The following TPST2 variants were observed in gnomAD, a reference collection of about 807,000 sequenced individuals.
TPST2 encodes the protein protein-tyrosine sulfotransferase 2.
A neutral mutation model predicts 27.8 loss-of-function variants in TPST2; 16 were observed. That is an observed-to-expected ratio of 0.58 (90% CI 0.39 to 0.88). The LOEUF (loss-of-function observed/expected upper bound fraction) is 0.88. Among genes scored for constraint, TPST2 ranks in the 40% least tolerant of loss-of-function variants. The probability of loss-of-function intolerance (pLI) is 0.00; values close to 1 mark genes in which losing one functional copy is unlikely to be tolerated. For synonymous variants in TPST2, 229 were observed against 231.7 expected (o/e 0.99, Z 0.10); for missense variants, 464 against 543.1 (o/e 0.85, Z 1.45).
intron 1 of TPST2, among the ~76,000 whole-genome samples, chr22:26,582,780 A>C (rs1464474004): frequency 6.6e-6 from 1 of 152,204 alleles, no homozygotes; most frequent in African/African-American, 2.4e-5. Flanking sequence ...ATGGGCTTTG[A>C]GTCCTGGTGC....
chr22:26,554,894 C>A (rs1385176145), intron 1 of TPST2, among the ~76,000 whole-genome samples: 1 of 152,086 alleles, frequency 6.6e-6, no homozygotes, highest in African/African-American at 2.4e-5. Flanking sequence ...GCCAAGATGG[C>A]GCCACTGCAC....
chr22:26,569,155 G>A (rs949429943), intron 1 of TPST2, among the ~76,000 whole-genome samples: 4 of 151,954 alleles, frequency 2.6e-5, no homozygotes, highest in African/African-American at 7.3e-5. Context: ...GAGCCACCGC[G>A]CCCAGCCTCA....
chr22:26,551,915 T>G (rs6005076), intron 1 of TPST2, among the ~76,000 whole-genome samples: 53,370 of 136,538 alleles, frequency 0.39, 11,381 homozygotes, highest in African/African-American at 0.54. Flanking sequence ...TTGAGACAGT[T>G]TCTTGCTCTG....
rs763763353 is a variant in TPST2, at chr22:26,526,021, T to C, written c.*254A>G. ...AAAAAAGTTCTTGAGGGGAAAAATA[T>C]AAAATACCTAAGTTTCAAAAGCCGG... On this transcript the variant is annotated 3_prime_UTR_variant, in exon 7 of 7. Coordinates refer to ENST00000338754, the MANE Select transcript of TPST2 (RefSeq NM_003595.5). 4.6e-5 allele frequency: 7 copies of C among 152,216 alleles called. No homozygotes were observed. The highest frequency in any genetic ancestry group is 7.3e-5 in the Non-Finnish European group (5 of 68,046). 9.4% of individuals were successfully genotyped at this position (152,216 alleles called of 1,614,324 possible).
intron 1 of TPST2, among the ~76,000 whole-genome samples, chr22:26,567,995 G>A (rs763204839): frequency 1.3e-5 from 2 of 152,152 alleles, no homozygotes; most frequent in Non-Finnish European, 2.9e-5. Flanking sequence ...GGAAAACTCT[G>A]GCTTAACTGA....
rs1389192104 is a variant in TPST2 at position 26,590,078 on chromosome 22, C to G, written c.-186G>C. 1 of 151,898 alleles carries G rather than the reference C, an allele frequency of 6.6e-6. No individual in the cohort carries two copies. The highest frequency in any genetic ancestry group is 2.4e-5 in the African/African-American group (1 of 41,402). The allele number at this position is 151,898 out of a possible 1,614,324, so 9.4% of individuals were successfully genotyped here. On this transcript the variant is annotated 5_prime_UTR_variant, in exon 1 of 7. Coordinates refer to ENST00000338754, the MANE Select transcript of TPST2 (RefSeq NM_003595.5). Reference sequence around the variant, plus strand: ...CGTGGCGAGACGCGGCGAGGCAGCCCCACGCACCCAGCGACTCCCGGCTCT... The same window carrying G: ...CGTGGCGAGACGCGGCGAGGCAGCCGCACGCACCCAGCGACTCCCGGCTCT...
At chr22:26,549,867 T>TAAAAAA (rs34355172) in intron 1 of TPST2, among the ~76,000 whole-genome samples, 3 of 97,134 alleles carry the variant, frequency 3.1e-5, no homozygotes, top group African/African-American at 1.2e-4. Context: ...CCCTCTCTAC[T>TAAAAAA]AAAAAAAAAA....
intron 1 of TPST2, among the ~76,000 whole-genome samples, chr22:26,548,000 T>A (rs1926216207): frequency 6.6e-6 from 1 of 152,224 alleles, no homozygotes; most frequent in African/African-American, 2.4e-5. Context: ...GGGTTCAACA[T>A]TCTGCTGCAC....
rs368764011 is a variant in TPST2 at position 26,541,523 on chromosome 22, C to A, written c.108G>T (p.Ala36=). The change falls in exon 3 of 7, where the codon GCG becomes GCT. Residue 36 remains alanine, a synonymous_variant. Transcript: ENST00000338754. The surrounding 1 kb of genome is among the most constrained non-coding windows in gnomAD (Gnocchi z 5.9). ...TGGCCCCCCGGGGGCTCCGCAGGCCCGCCAGCACCGCCCGGCACTCTAGCA... is the reference window on the plus strand; with the variant it reads ...TGGCCCCCCGGGGGCTCCGCAGGCCAGCCAGCACCGCCCGGCACTCTAGCA... ...QQVLECRAVL[A]GLRSPRGAMR... is the part of the protein sequence containing the mutation. The A allele has an allele frequency of 1.9e-6, 3 of 1,611,876 alleles. No homozygotes were observed. Among genetic ancestry groups the A allele is most frequent in the Non-Finnish European group, 2.5e-6 (3 of 1,179,156 alleles).
chr22:26,565,957 A>T (rs1335728599), intron 1 of TPST2, among the ~76,000 whole-genome samples: 2 of 152,236 alleles, frequency 1.3e-5, no homozygotes, highest in Non-Finnish European at 2.9e-5. Context: ...CCACACACCC[A>T]AACTGTTGTA....
chr22:26,532,769 C>G, intron 4 of TPST2, 24 bp from the exon 5 acceptor site: 1 of 1,609,716 alleles, frequency 6.2e-7, no homozygotes. Flanking sequence ...AAAGAAATAT[C>G]ACTATTATGA....
At chr22:26,529,010 A>C (rs1398315399) in intron 5 of TPST2, among the ~76,000 whole-genome samples, 1 of 151,764 alleles carries the variant, frequency 6.6e-6, no homozygotes, top group Non-Finnish European at 1.5e-5. Context: ...ACAAAAAAAA[A>C]ACAAAACGTA....
Position 26,541,503 on chromosome 22 carries a change from C to G in TPST2, c.128G>C (p.Gly43Ala), listed in dbSNP as rs1248974270. Reference sequence around the variant, plus strand: ...CTCCTCCTGCTCAGGCCGCATGGCCCCCCGGGGGCTCCGCAGGCCCGCCAG... The same window carrying G: ...CTCCTCCTGCTCAGGCCGCATGGCCGCCCGGGGGCTCCGCAGGCCCGCCAG... ...AVLAGLRSPR[G>A]AMRPEQEELV... Residue 43 changes from glycine to alanine, a missense_variant, in exon 3 of 7, where the codon GGG becomes GCG. Transcript: ENST00000338754. The surrounding 1 kb of genome is among the most constrained non-coding windows in gnomAD (Gnocchi z 5.9). 1.2e-6 allele frequency: 2 copies of G among 1,612,048 alleles called. No homozygotes were observed. Among genetic ancestry groups the G allele is most frequent in the South Asian group, 2.2e-5 (2 of 90,904 alleles).
At chr22:26,529,855 T>C (rs981030430) in intron 5 of TPST2, among the ~76,000 whole-genome samples, 3 of 151,854 alleles carry the variant, frequency 2.0e-5, no homozygotes, top group African/African-American at 7.3e-5. Flanking sequence ...TCTCACTGTG[T>C]TGGCCTTGAA....
At chr22:26,549,494 T>C (rs1926328525) in intron 1 of TPST2, among the ~76,000 whole-genome samples, 1 of 148,808 alleles carries the variant, frequency 6.7e-6, no homozygotes, top group African/African-American at 2.5e-5. Flanking sequence ...TCCTCCGTAC[T>C]AAAATACAAA....
At position 26,559,289 on chromosome 22, in the gene TPST2, T is replaced by G. The variant is rs548904541; in HGVS notation, c.-160-14614A>C. ...GCTGAGGCAGGAGAATCGCTTGAAC[T>G]TGGGAGGCAGAGGCTGCAGTGAGCC... On this transcript the variant is annotated intron_variant, in intron 1 of 6. Transcript: ENST00000338754. Among the ~76,000 whole-genome samples the G allele has an allele frequency of 3.3e-5, 5 of 152,302 alleles. No homozygotes were observed. The East Asian group carries it at 7.7e-4, about 24-fold the overall frequency.
intron 1 of TPST2, among the ~76,000 whole-genome samples, chr22:26,577,274 A>AG (rs1428604198): frequency 3.3e-5 from 5 of 151,204 alleles, no homozygotes; most frequent in Non-Finnish European, 7.4e-5. Context: ...TTAAAAAAAA[A>AG]AAAAAAAAAA....
At chr22:26,561,372 T>C (rs1381886511) in intron 1 of TPST2, among the ~76,000 whole-genome samples, 2 of 152,210 alleles carry the variant, frequency 1.3e-5, no homozygotes, top group Admixed American at 6.5e-5. Context: ...GCCGCTAACC[T>C]TGCCTGGTAC....
chr22:26,545,049 C>T (rs1926047148), intron 1 of TPST2, among the ~76,000 whole-genome samples: 1 of 152,174 alleles, frequency 6.6e-6, no homozygotes, highest in Non-Finnish European at 1.5e-5. Flanking sequence ...CACCACTACA[C>T]ACCACTATTG....
Sources: allele counts gnomAD v4.1 joint callset (sites outside exome capture counted in the v4.1 genomes callset), GRCh38; gene constraint gnomAD v4.1.1; non-coding constraint Gnocchi (gnomAD v3.1); transcripts MANE v1.5; gene names NCBI Gene and HGNC (gene_info 2026-07-23, HGNC 2026-07-21).